Variants in MAML2 observed in about 807,000 individuals in gnomAD.
MAML2 encodes the protein mastermind like transcriptional coactivator 2.
Under a neutral mutation model 96.1 loss-of-function variants are expected in MAML2, and 22 were observed. The observed-to-expected ratio is 0.23, with a 90% CI of 0.16 to 0.33. The LOEUF (loss-of-function observed/expected upper bound fraction) is 0.33, where lower values mean the gene tolerates loss of function less well. Among genes scored for constraint, MAML2 ranks in the 10% least tolerant of loss-of-function variants. The probability of loss-of-function intolerance (pLI) is 1.00; values close to 1 mark genes in which losing one functional copy is unlikely to be tolerated. For synonymous variants in MAML2, 561 were observed against 521.3 expected (o/e 1.08, Z -1.04); for missense variants, 1,367 against 1,392.4 (o/e 0.98, Z 0.29).
rs569103234 is a variant in MAML2 at position 96,040,699 on chromosome 11, G to A, written c.2140-48976C>T. Reference sequence around the variant, plus strand: ...CGAGAATTGCTTGAACCCAGGAGGCGGGGGTTGCAGTGAGCCGAGATCGTG... The same window carrying A: ...CGAGAATTGCTTGAACCCAGGAGGCAGGGGTTGCAGTGAGCCGAGATCGTG... On this transcript the variant is annotated intron_variant, in intron 2 of 4. Coordinates refer to ENST00000524717, the MANE Select transcript of MAML2 (RefSeq NM_032427.4). Among the ~76,000 whole-genome samples, 62 of 152,234 alleles carry A rather than the reference G, an allele frequency of 4.1e-4. 1 individual carries two copies. In the South Asian group the frequency reaches 0.011, roughly 26 times the overall value.
intron 2 of MAML2, among the ~76,000 whole-genome samples, chr11:96,048,694 CT>C (rs1224916565): frequency 6.6e-5 from 10 of 151,378 alleles, no homozygotes; most frequent in Non-Finnish European, 1.3e-4. Context: ...CAAAGTCTTT[CT>C]TTTTTTTTCC....
rs190927244 is a variant in MAML2, at chr11:96,254,547, G to A, written c.513+86836C>T. Among the ~76,000 whole-genome samples, 5 of 151,760 alleles carry A rather than the reference G, an allele frequency of 3.3e-5. No homozygotes were observed. The East Asian group carries it at 5.8e-4, about 18-fold the overall frequency. ...GGTTTGAAAATCTTGACAAAAGGAC[G>A]TTGATATTCTGGCTTTACATTGCCC... On this transcript the variant is annotated intron_variant, in intron 1 of 4. Coordinates refer to ENST00000524717, the MANE Select transcript of MAML2 (RefSeq NM_032427.4).
chr11:96,233,355 T>C lies in MAML2; in HGVS notation c.513+108028A>G, dbSNP rs539407833. Among the ~76,000 whole-genome samples the C allele has an allele frequency of 3.5e-4, 7 of 20,204 alleles. No individual in the cohort carries two copies. The East Asian group carries it at 6.0e-3, about 17-fold the overall frequency. 13.3% of individuals were successfully genotyped at this position (20,204 alleles called of 152,430 possible). A position where few individuals can be genotyped will look rare whatever the true frequency, so the allele number is the denominator to read the frequency against. On this transcript the variant is annotated intron_variant, in intron 1 of 4. Transcript: ENST00000524717. Reference sequence around the variant, plus strand: ...TATCTTTAAAAATGCAACATTTATGTCAGGAAAAAAAACAGACATTCATGT... The same window carrying C: ...TATCTTTAAAAATGCAACATTTATGCCAGGAAAAAAAACAGACATTCATGT...
intron 2 of MAML2, among the ~76,000 whole-genome samples, chr11:96,021,057 T>C (rs1195545365): frequency 6.6e-6 from 1 of 152,244 alleles, no homozygotes; most frequent in African/African-American, 2.4e-5. Context: ...TGTATATCTA[T>C]ATTTATGAGT....
intron 2 of MAML2, among the ~76,000 whole-genome samples, chr11:96,090,965 A>G (rs937617122): frequency 3.9e-5 from 6 of 152,248 alleles, no homozygotes; most frequent in African/African-American, 1.4e-4. Flanking sequence ...GACCTGTCAA[A>G]TTACACGCAC....
At chr11:96,309,792 A>G (rs915150229) in intron 1 of MAML2, among the ~76,000 whole-genome samples, 3 of 150,014 alleles carry the variant, frequency 2.0e-5, no homozygotes, top group Non-Finnish European at 4.4e-5. Flanking sequence ...CGACCTCTCC[A>G]GGCTCAGGTA....
chr11:96,029,030 C>T (rs1439578430), intron 2 of MAML2, among the ~76,000 whole-genome samples: 1 of 152,170 alleles, frequency 6.6e-6, no homozygotes, highest in Non-Finnish European at 1.5e-5. Context: ...ACTCTCCAGG[C>T]CCCACTCACT....
rs909997459 is a variant in MAML2 at position 96,342,760 on chromosome 11, T to A, written c.-865A>T. On this transcript the variant is annotated 5_prime_UTR_variant, in exon 1 of 5. Coordinates refer to ENST00000524717, the MANE Select transcript of MAML2 (RefSeq NM_032427.4). ...CCTAGCCTTAAATGAAAAGCAATCT[T>A]AAGTCGCTAGCCACTGAGAGAGATC... 1 of 315,608 alleles carries A rather than the reference T, an allele frequency of 3.2e-6. No individual in the cohort carries two copies. Among genetic ancestry groups the A allele is most frequent in the African/African-American group, 2.1e-5 (1 of 47,432 alleles). The allele number at this position is 315,608 out of a possible 1,614,324, so 19.6% of individuals were successfully genotyped here.
At chr11:96,246,498 G>A (rs1862514158) in intron 1 of MAML2, among the ~76,000 whole-genome samples, 1 of 152,044 alleles carries the variant, frequency 6.6e-6, no homozygotes. Flanking sequence ...GAGAGGAGAT[G>A]GCATGCGATC....
chr11:96,342,158 T>C lies in MAML2; in HGVS notation c.-263A>G, dbSNP rs921509068. The C allele has an allele frequency of 4.2e-5, 21 of 499,450 alleles. No homozygotes were observed. Among genetic ancestry groups the C allele is most frequent in the African/African-American group, 3.9e-4 (20 of 51,830 alleles). 30.9% of individuals were successfully genotyped at this position (499,450 alleles called of 1,614,324 possible). A position where few individuals can be genotyped will look rare whatever the true frequency, so the allele number is the denominator to read the frequency against. Reference sequence around the variant, plus strand: ...CCTGATTAACTTACTCTAATTGCATTTGACAGCTCTGGAGAAGTTGGACAG... The same window carrying C: ...CCTGATTAACTTACTCTAATTGCATCTGACAGCTCTGGAGAAGTTGGACAG... On this transcript the variant is annotated 5_prime_UTR_variant, in exon 1 of 5. Transcript: ENST00000524717.
intron 2 of MAML2, among the ~76,000 whole-genome samples, chr11:96,018,198 G>A (rs1411403061): frequency 6.6e-6 from 1 of 152,180 alleles, no homozygotes; most frequent in African/African-American, 2.4e-5. Context: ...GGGAAAGACT[G>A]TGAAACAGTT....
chr11:96,050,945 A>G (rs1858980884), intron 2 of MAML2, among the ~76,000 whole-genome samples: 1 of 152,172 alleles, frequency 6.6e-6, no homozygotes, highest in African/African-American at 2.4e-5. Flanking sequence ...CTGATCCTAT[A>G]TTCTTCTGGG....
intron 3 of MAML2, 64 bp downstream of exon 3, chr11:95,991,456 A>G: frequency 6.7e-7 from 1 of 1,482,404 alleles, no homozygotes; most frequent in Non-Finnish European, 9.4e-7. Context: ...TATAAATGGA[A>G]AAGAATAAAC....
chr11:96,084,637 G>C lies in MAML2; in HGVS notation c.2139+7255C>G, dbSNP rs182159333. ...ACAGTCTTAAGTCAGTCAGGGCAAA[G>C]AGGCTGGTTCAAAATTGGTCTGCAG... is the stretch of plus-strand genomic sequence containing the variant. On this transcript the variant is annotated intron_variant, in intron 2 of 4. Coordinates refer to ENST00000524717, the MANE Select transcript of MAML2 (RefSeq NM_032427.4). Among the ~76,000 whole-genome samples the C allele has an allele frequency of 1.1e-4, 17 of 152,318 alleles. No individual in the cohort carries two copies. In the East Asian group the frequency reaches 2.7e-3, roughly 24 times the overall value.
chr11:96,087,532 T>C (rs1859637142), intron 2 of MAML2, among the ~76,000 whole-genome samples: 1 of 152,226 alleles, frequency 6.6e-6, no homozygotes, highest in Admixed American at 6.5e-5. Context: ...AAGAGTCACT[T>C]GCAGTGATCA....
intron 2 of MAML2, among the ~76,000 whole-genome samples, chr11:96,087,097 T>C (rs1859628245): frequency 6.6e-6 from 1 of 152,222 alleles, no homozygotes; most frequent in African/African-American, 2.4e-5. Context: ...TTTCTGAGCA[T>C]CAGTGTCCTC....
intron 2 of MAML2, among the ~76,000 whole-genome samples, chr11:96,033,790 C>G (rs1045016685): frequency 1.3e-5 from 2 of 151,986 alleles, no homozygotes; most frequent in African/African-American, 4.8e-5. Flanking sequence ...TCTCTCATCA[C>G]GAGATTTTTT....
At chr11:96,026,588 T>C (rs1211012381) in intron 2 of MAML2, among the ~76,000 whole-genome samples, 3 of 152,168 alleles carry the variant, frequency 2.0e-5, no homozygotes, top group Non-Finnish European at 4.4e-5. Context: ...TCTCCCCCTA[T>C]TCTTTATGTA....
At chr11:96,297,166 G>T (rs1251351463) in intron 1 of MAML2, among the ~76,000 whole-genome samples, 1 of 152,120 alleles carries the variant, frequency 6.6e-6, no homozygotes, top group African/African-American at 2.4e-5. Context: ...CAGAGGAAAT[G>T]AAAATTCCGG....
Sources: allele counts gnomAD v4.1 joint callset (sites outside exome capture counted in the v4.1 genomes callset), GRCh38; gene constraint gnomAD v4.1.1; transcripts MANE v1.5; gene names NCBI Gene and HGNC (gene_info 2026-07-23, HGNC 2026-07-21).